ACE: variants seen among roughly 807,000 people sequenced by gnomAD.
ACE encodes angiotensin-converting enzyme.
Under a neutral mutation model 162.3 loss-of-function variants are expected in ACE, and 122 were observed. The ratio of observed to expected loss-of-function variants is 0.75; its 90% CI spans 0.65 to 0.87. The LOEUF is 0.87. Ranked by LOEUF, ACE falls within the 40% of genes least tolerant of loss-of-function variation. ACE has a pLI of 0.00. For synonymous variants in ACE, 796 were observed against 720.6 expected, an observed-to-expected ratio of 1.10 and a Z score of -1.68; for missense variants, 1,799 against 1,735.1, an observed-to-expected ratio of 1.04 and a Z score of -0.65.
chr17:63,479,632 G>A (rs990206576), intron 3 of ACE, 137 bp from the exon 4 acceptor site: 2 of 1,176,176 alleles, frequency 1.7e-6, no homozygotes, highest in Admixed American at 1.9e-5. Flanking sequence ...AGGCCTGTAG[G>A]TGGCCCCTGT....
chr17:63,495,875 T>A (rs1259446471), intron 22 of ACE, among the ~76,000 whole-genome samples: 1 of 152,220 alleles, frequency 6.6e-6, no homozygotes, highest in Non-Finnish European at 1.5e-5. Context: ...TGCCACTGGC[T>A]CAGGACATTT....
At chr17:63,495,797 C>T (rs2030692135) in intron 22 of ACE, among the ~76,000 whole-genome samples, 1 of 152,238 alleles carries the variant, frequency 6.6e-6, no homozygotes, top group Admixed American at 6.5e-5. Context: ...CTTCACAAAG[C>T]ACTTTTAGGA....
chr17:63,486,940 C>A, intron 14 of ACE, 46 bp from the exon 15 acceptor site: 1 of 1,565,350 alleles, frequency 6.4e-7, no homozygotes, highest in Non-Finnish European at 8.8e-7. Flanking sequence ...CCCAGAGAGA[C>A]CAAGTGCAAA....
intron 5 of ACE, among the ~76,000 whole-genome samples, chr17:63,480,862 C>A (rs553161557): frequency 3.7e-4 from 56 of 152,322 alleles, no homozygotes; most frequent in African/African-American, 1.2e-3. Context: ...GTGGCTGGGG[C>A]CTGGCACAGC....
In ACE at chr17:63,479,077, C is replaced by A. The variant is rs1378946788; in HGVS notation, c.488C>A (p.Ala163Asp). ...TAKVCLPNKT[A>D]TCWSLDPDLT... is the part of the protein sequence containing the mutation. ...AAGGTCTGCCTCCCCAACAAGACTG[C>A]CACCTGCTGGTCCCTGGACCCAGGT... is the stretch of plus-strand genomic sequence containing the variant. The change falls in exon 3 of 25, where the codon GCC becomes GAC. Residue 163 changes from alanine (A) to aspartate (D), a missense_variant. By Grantham distance (126) the Ala-to-Asp change is moderately radical (BLOSUM62 -2). Coordinates refer to ENST00000290866, the MANE Select transcript of ACE (RefSeq NM_000789.4). The A allele has an allele frequency of 6.2e-7, 1 of 1,613,294 alleles. No homozygotes were observed. The highest frequency in any genetic ancestry group is 1.3e-5 in the African/African-American group (1 of 74,828).
At chr17:63,493,814 T>C (rs2030547703) in intron 20 of ACE, 108 bp from the exon 21 acceptor site, 2 of 1,566,126 alleles carry the variant, frequency 1.3e-6, no homozygotes, top group South Asian at 2.3e-5. Flanking sequence ...AGGAGGCAGG[T>C]CACAGGGCCC....
chr17:63,490,605 G>A lies in ACE; in HGVS notation c.2642-349G>A, dbSNP rs2030304605. 3 of 369,618 alleles carry A rather than the reference G, an allele frequency of 8.1e-6. No individual in the cohort carries two copies. In the East Asian group the frequency reaches 2.0e-4, roughly 24 times the overall value. The allele number at this position is 369,618 out of a possible 1,614,324, so 22.9% of individuals were successfully genotyped here. On this transcript the variant is annotated intron_variant, in intron 17 of 24. Transcript: ENST00000290866. Reference sequence around the variant, plus strand: ...ATTCACACAATGTTCTTGGTGCAGAGCCAATAAGAGGTGGCCACCGGGGTG... The same window carrying A: ...ATTCACACAATGTTCTTGGTGCAGAACCAATAAGAGGTGGCCACCGGGGTG...
rs567706604 is a variant in ACE at position 63,488,742 on chromosome 17, G to C, written c.2400G>C (p.Gln800His). The change falls in exon 16 of 25, where the codon CAG becomes CAC. Residue 800 changes from glutamine (Q) to histidine (H), a missense_variant. By Grantham distance (24) the Gln-to-His change is conservative. Transcript: ENST00000290866. ...WRDKAGRAIL[Q>H]FYPKYVELIN... ...ACAAGGCGGGGAGAGCCATCCTCCA[G>C]TTTTACCCGAAATACGTGGAACTCA... The C allele has an allele frequency of 5.6e-6, 9 of 1,613,832 alleles. No individual in the cohort carries two copies. The Admixed American group carries it at 6.7e-5, about 12-fold the overall frequency.
rs1266729987 is a variant in ACE at position 63,497,582 on chromosome 17, GTCTC to G, written c.*220_*223del. The G allele has an allele frequency of 1.4e-6, 1 of 701,402 alleles. No homozygotes were observed. Among genetic ancestry groups the G allele is most frequent in the African/African-American group, 1.7e-5 (1 of 57,278 alleles). The allele number at this position is 701,402 out of a possible 1,614,324, so 43.4% of individuals were successfully genotyped here. On this transcript the variant is annotated 3_prime_UTR_variant, in exon 25 of 25. Transcript: ENST00000290866. Reference sequence around the variant, plus strand: ...CTGACACTGAGCCCCACCTCTCCAAGTCTCTCTGTGAATACAATTAAAGGTCCTG... The same window carrying G: ...CTGACACTGAGCCCCACCTCTCCAAGTCTGTGAATACAATTAAAGGTCCTG...
chr17:63,493,094 C>G (rs1366599537), intron 19 of ACE, among the ~76,000 whole-genome samples: 1 of 152,206 alleles, frequency 6.6e-6, no homozygotes, highest in Non-Finnish European at 1.5e-5. Context: ...ACATGGGAAC[C>G]CACTGGCCAC....
At chr17:63,493,878 C>T (rs371406317) in intron 20 of ACE, 44 bp from the exon 21 acceptor site, 64 of 1,613,912 alleles carry the variant, frequency 4.0e-5, no homozygotes, top group Middle Eastern at 1.6e-4. Flanking sequence ...AGGGCCAAGC[C>T]GCTAGGACCC....
rs1414333467 is a variant in ACE, at chr17:63,481,570, G to A, written c.950G>A (p.Trp317Ter). Residue 317 changes from tryptophan to a stop codon, truncating the protein, a stop_gained, in exon 7 of 25, where the codon TGG (tryptophan) becomes TAG (stop). Transcript: ENST00000290866. LOFTEE classifies it high-confidence loss of function. ...DVTSTMLQQG[W>*]NATHMFRVAE... ...GGCTCCACACCCCTCCTCCAGGGCTGGAACGCCACGCACATGTTCCGGGTG... is the reference window on the plus strand; with the variant it reads ...GGCTCCACACCCCTCCTCCAGGGCTAGAACGCCACGCACATGTTCCGGGTG... 2 of 1,613,710 alleles carry A rather than the reference G, an allele frequency of 1.2e-6. No homozygotes were observed. The highest frequency in any genetic ancestry group is 1.3e-5 in the African/African-American group (1 of 74,918).
At position 63,481,151 on chromosome 17, in the gene ACE, A is replaced by G; in HGVS notation, c.908A>G (p.Lys303Arg). Residue 303 changes from lysine to arginine, a missense_variant, in exon 6 of 25, where the codon AAG (lysine) becomes AGG (arginine). Transcript: ENST00000290866. ...IYDMVVPFPD[K>R]PNLDVTSTML... ...GACATGGTGGTGCCTTTCCCAGACA[A>G]GCCCAACCTCGATGTCACCAGTACT... 5 of 1,453,210 alleles carry G rather than the reference A, an allele frequency of 3.4e-6. No individual in the cohort carries two copies. Among genetic ancestry groups the G allele is most frequent in the Non-Finnish European group, 3.7e-6 (4 of 1,079,638 alleles). 90.0% of individuals were successfully genotyped at this position (1,453,210 alleles called of 1,614,324 possible). A position where few individuals can be genotyped will look rare whatever the true frequency, so the allele number is the denominator to read the frequency against.
intron 19 of ACE, among the ~76,000 whole-genome samples, chr17:63,492,077 A>T (rs760564803): frequency 6.6e-6 from 1 of 152,096 alleles, no homozygotes; most frequent in Admixed American, 6.5e-5. Flanking sequence ...ACATGTTCCC[A>T]GTGGCCTCTT....
At chr17:63,489,268 G>A (rs919763195) in intron 17 of ACE, 136 bp downstream of exon 17, 25 of 1,115,732 alleles carry the variant, frequency 2.2e-5, no homozygotes, top group Non-Finnish European at 3.2e-5. Flanking sequence ...TGGTTGCCCA[G>A]GCTGGAGGGG....
chr17:63,485,124 G>C, intron 12 of ACE, 112 bp from the exon 13 acceptor site: 4 of 1,545,100 alleles, frequency 2.6e-6, no homozygotes, highest in Non-Finnish European at 3.5e-6. Flanking sequence ...GGGCCGGGTA[G>C]GGACAGGGCA....
At position 63,482,557 on chromosome 17, in the gene ACE, C is replaced by G. The variant is rs1229622121; in HGVS notation, c.1210C>G (p.Leu404Val). Residue 404 changes from leucine to valine, a missense_variant, in exon 8 of 25, where the codon CTG (leucine) becomes GTG (valine). Coordinates refer to ENST00000290866, the MANE Select transcript of ACE (RefSeq NM_000789.4). ...HIQYYLQYKD[L>V]PVSLRRGANP... The stretch of plus-strand genomic sequence containing the variant: ...ACAGTACTACCTGCAGTACAAGGAT[C>G]TGCCCGTCTCCCTGCGTCGGGGGGC... The G allele has an allele frequency of 6.2e-7, 1 of 1,614,034 alleles. No individual in the cohort carries two copies. The highest frequency in any genetic ancestry group is 1.3e-5 in the African/African-American group (1 of 74,938).
chr17:63,481,694 G>A lies in ACE; in HGVS notation c.1074G>A (p.Val358=). ...LEKPADGREV[V]CHASAWDFYN... ...AGCCGGCCGACGGGCGGGAAGTGGT[G>A]TGCCACGCCTCGGCTTGGGACTTCT... The change falls in exon 7 of 25, where the codon GTG becomes GTA. Residue 358 remains valine, a synonymous_variant. Coordinates refer to ENST00000290866, the MANE Select transcript of ACE (RefSeq NM_000789.4). 1.2e-6 allele frequency: 2 copies of A among 1,614,188 alleles called. No homozygotes were observed. The highest frequency in any genetic ancestry group is 1.1e-5 in the South Asian group (1 of 91,082).
Position 63,485,053 on chromosome 17 carries a change from A to C in ACE, c.1922-183A>C, listed in dbSNP as rs2029867742. ...ACCAGGCGACGGCCCACCAGACATC[A>C]GCCCAGAGCCCAAGTGGGACCATGC... On this transcript the variant is annotated intron_variant, in intron 12 of 24. Coordinates refer to ENST00000290866, the MANE Select transcript of ACE (RefSeq NM_000789.4). The C allele has an allele frequency of 1.9e-6, 3 of 1,568,084 alleles. No individual in the cohort carries two copies. In the African/African-American group the frequency reaches 4.1e-5, roughly 21 times the overall value.
Sources: allele counts gnomAD v4.1 joint callset (sites outside exome capture counted in the v4.1 genomes callset), GRCh38; gene constraint gnomAD v4.1.1; transcripts MANE v1.5; gene names NCBI Gene and HGNC (gene_info 2026-07-23, HGNC 2026-07-21).